The following ZNF66 variants were observed in gnomAD, a reference collection of about 807,000 sequenced individuals.
The protein encoded by ZNF66 is putative zinc finger protein 66.
Under a neutral mutation model 35.2 loss-of-function variants are expected in ZNF66, and 32 were observed. The observed-to-expected ratio is 0.91, with a 90% CI of 0.69 to 1.22. ZNF66 has a LOEUF of 1.22. Among genes scored for constraint, ZNF66 ranks in the 50% most tolerant of loss-of-function variants. The probability of loss-of-function intolerance (pLI) is 0.00; values close to 1 mark genes in which losing one functional copy is unlikely to be tolerated. For synonymous variants in ZNF66, 231 were observed against 181.3 expected (o/e 1.27, Z -2.20); for missense variants, 666 against 543.1 (o/e 1.23, Z -2.25).
At chr19:20,779,764 A>T (rs10413846) in intron 1 of ZNF66, among the ~76,000 whole-genome samples, 7,760 of 31,096 alleles carry the variant, frequency 0.25, 245 homozygotes, top group Middle Eastern at 0.34. Flanking sequence ...CCATCACTAC[A>T]AAAAAAAAAA....
Position 20,776,382 on chromosome 19 carries a change from G to A in ZNF66, c.-66G>A, listed in dbSNP as rs1971194204. On this transcript the variant is annotated 5_prime_UTR_variant, in exon 1 of 4. Transcript: ENST00000344519. ...TTCTCCTAGAGGCCCAGCCTCTGTG[G>A]CCCTGTGTCCTGCAGGTATTGGGAG... 1.4e-5 allele frequency: 21 copies of A among 1,529,664 alleles called. No homozygotes were observed. In the Admixed American group the frequency reaches 3.2e-4, roughly 23 times the overall value. 94.8% of individuals were successfully genotyped at this position (1,529,664 alleles called of 1,614,324 possible).
chr19:20,782,597 G>A (rs976938143), intron 1 of ZNF66, among the ~76,000 whole-genome samples: 23 of 151,994 alleles, frequency 1.5e-4, no homozygotes, highest in African/African-American at 4.8e-4. Flanking sequence ...TCTCATTGTG[G>A]TTTTTCTTTT....
intron 1 of ZNF66, among the ~76,000 whole-genome samples, chr19:20,784,264 A>G (rs954615064): frequency 3.3e-5 from 5 of 152,210 alleles, no homozygotes; most frequent in Non-Finnish European, 7.3e-5. Flanking sequence ...TAACTGAAGT[A>G]TAGTTACAGT....
At position 20,806,323 on chromosome 19, in the gene ZNF66, C is replaced by T. The variant is rs759819911; in HGVS notation, c.723C>T (p.Ser241=). Residue 241 remains serine, a synonymous_variant, in exon 4 of 4, where the codon TCC becomes TCT. Transcript: ENST00000344519. ...ACTGTGGCAAAGCCTTTAACCGCTCCTCTAACCTTACTACACATAAGAAAA... is the reference window on the plus strand; with the variant it reads ...ACTGTGGCAAAGCCTTTAACCGCTCTTCTAACCTTACTACACATAAGAAAA... ...CEDCGKAFNR[S]SNLTTHKKIH... is the part of the protein sequence containing the mutation. 13 of 1,527,586 alleles carry T rather than the reference C, an allele frequency of 8.5e-6. No homozygotes were observed. Among genetic ancestry groups the T allele is most frequent in the Admixed American group, 1.7e-5 (1 of 59,832 alleles). 94.6% of individuals were successfully genotyped at this position (1,527,586 alleles called of 1,614,324 possible).
chr19:20,793,459 A>T (rs1971361429), intron 2 of ZNF66, among the ~76,000 whole-genome samples: 1 of 150,138 alleles, frequency 6.7e-6, no homozygotes, highest in African/African-American at 2.5e-5. Context: ...AGTATGTGGG[A>T]CTACAGGCAC....
chr19:20,785,470 G>C (rs987082872), intron 1 of ZNF66, among the ~76,000 whole-genome samples: 2 of 152,200 alleles, frequency 1.3e-5, no homozygotes, highest in African/African-American at 4.8e-5. Flanking sequence ...TTTGTCATTG[G>C]ATATAAGCAT....
In ZNF66 at chr19:20,805,966, G is replaced by T; in HGVS notation, c.366G>T (p.Lys122Asn). The change falls in exon 4 of 4, where the codon AAG becomes AAT. Residue 122 changes from lysine (K) to asparagine (N), a missense_variant. Physicochemically the swap from Lys to Asn is moderately conservative, Grantham distance 94 (BLOSUM62 0). Coordinates refer to ENST00000344519, the MANE Select transcript of ZNF66 (RefSeq NM_001355197.2). ...QLKKGCESVD[K>N]CKVHKRGYNG... Reference sequence around the variant, plus strand: ...AAAAAGGCTGTGAAAGTGTGGATAAGTGTAAAGTGCACAAAAGAGGTTATA... The same window carrying T: ...AAAAAGGCTGTGAAAGTGTGGATAATTGTAAAGTGCACAAAAGAGGTTATA... 1 of 743,544 alleles carries T rather than the reference G, an allele frequency of 1.3e-6. No homozygotes were observed. The highest frequency in any genetic ancestry group is 2.4e-6 in the Non-Finnish European group (1 of 421,916). 46.1% of individuals were successfully genotyped at this position (743,544 alleles called of 1,614,324 possible).
Position 20,805,918 on chromosome 19 carries a change from T to A in ZNF66, c.318T>A (p.Cys106Ter). 3.0e-6 allele frequency: 2 copies of A among 671,724 alleles called. No homozygotes were observed. The highest frequency in any genetic ancestry group is 5.4e-6 in the Non-Finnish European group (2 of 372,508). The allele number at this position is 671,724 out of a possible 1,614,324, so 41.6% of individuals were successfully genotyped here. ...TGATACTGAGAAGGCATAAAAAATG[T>A]GGACATGATAATTTGCAGTTAAAAA... ...QKLILRRHKK[C>*]GHDNLQLKKG... is the part of the protein sequence containing the mutation. The change falls in exon 4 of 4, where the codon TGT (cysteine) becomes TGA (stop). Residue 106 changes from cysteine to a stop codon, truncating the protein, a stop_gained. Coordinates refer to ENST00000344519, the MANE Select transcript of ZNF66 (RefSeq NM_001355197.2). LOFTEE classifies it high-confidence loss of function.
chr19:20,800,971 C>T (rs1290844777), intron 3 of ZNF66, among the ~76,000 whole-genome samples: 1 of 151,968 alleles, frequency 6.6e-6, no homozygotes, highest in Non-Finnish European at 1.5e-5. Context: ...TCACTTTTGT[C>T]AATATTTGCT....
intron 3 of ZNF66, among the ~76,000 whole-genome samples, chr19:20,805,126 T>TGTGTGTGTGTGTGTGTGTGA (rs752355466): frequency 1.4e-5 from 2 of 145,984 alleles, no homozygotes; most frequent in African/African-American, 5.1e-5. Flanking sequence ...TGTGTGTGTG[T>TGTGTGTGTGTGTGTGTGTGA]GAGAGAGAGA....
intron 3 of ZNF66, among the ~76,000 whole-genome samples, chr19:20,802,495 A>G (rs892449987): frequency 6.1e-5 from 9 of 148,504 alleles, no homozygotes; most frequent in African/African-American, 2.2e-4. Flanking sequence ...TTGTAAATTT[A>G]TCAATTATTT....
At chr19:20,804,276 T>C (rs1310264889) in intron 3 of ZNF66, among the ~76,000 whole-genome samples, 1 of 152,028 alleles carries the variant, frequency 6.6e-6, no homozygotes, top group East Asian at 1.9e-4. Flanking sequence ...TGAGACAGAG[T>C]CTGTCTCTGT....
chr19:20,791,501 A>AG (rs2144901286), intron 1 of ZNF66, among the ~76,000 whole-genome samples: 1 of 151,440 alleles, frequency 6.6e-6, no homozygotes, highest in Admixed American at 6.6e-5. Flanking sequence ...AAAAAAAAAA[A>AG]AAAAGAAAAT....
At position 20,792,282 on chromosome 19, in the gene ZNF66, T is replaced by C. The variant is rs1343642422; in HGVS notation, c.4-230T>C. ...TCATGCCCTTAATTTTATAGTTTAT[T>C]TTCTAGAAAAATATATGAACTGATG... is the stretch of plus-strand genomic sequence containing the variant. On this transcript the variant is annotated intron_variant, in intron 1 of 3. Coordinates refer to ENST00000344519, the MANE Select transcript of ZNF66 (RefSeq NM_001355197.2). Among the ~76,000 whole-genome samples, 5 of 152,032 alleles carry C rather than the reference T, an allele frequency of 3.3e-5. No homozygotes were observed. In the East Asian group the frequency reaches 9.6e-4, roughly 29 times the overall value.
intron 3 of ZNF66, among the ~76,000 whole-genome samples, chr19:20,802,355 T>G (rs562121788): frequency 9.2e-4 from 140 of 152,208 alleles, no homozygotes; most frequent in Non-Finnish European, 1.5e-3. Context: ...TCAGTTTGTT[T>G]TTGAGGTGGA....
chr19:20,788,489 C>A (rs59740723), intron 1 of ZNF66, among the ~76,000 whole-genome samples: 1 of 151,952 alleles, frequency 6.6e-6, no homozygotes, highest in East Asian at 2.0e-4. Flanking sequence ...ACTGCAACTT[C>A]TGCCACCCTG....
intron 3 of ZNF66, among the ~76,000 whole-genome samples, chr19:20,803,128 C>G (rs1284720924): frequency 6.6e-6 from 1 of 152,026 alleles, no homozygotes; most frequent in Non-Finnish European, 1.5e-5. Flanking sequence ...TCTCAACTGA[C>G]TCTTGTAAAA....
chr19:20,805,776 A>T (rs1476723111), intron 3 of ZNF66, 51 bp from the exon 4 acceptor site: 3 of 502,260 alleles, frequency 6.0e-6, no homozygotes, highest in Middle Eastern at 2.9e-4. Flanking sequence ...TGTAAAGTAT[A>T]TTTATCTGAG....
At chr19:20,789,324 T>A (rs1435544675) in intron 1 of ZNF66, among the ~76,000 whole-genome samples, 3 of 152,194 alleles carry the variant, frequency 2.0e-5, no homozygotes, top group Non-Finnish European at 4.4e-5. Flanking sequence ...TGACTATACC[T>A]TGGAGTCTTT....
Sources: allele counts gnomAD v4.1 joint callset (sites outside exome capture counted in the v4.1 genomes callset), GRCh38; gene constraint gnomAD v4.1.1; transcripts MANE v1.5; gene names NCBI Gene and HGNC (gene_info 2026-07-23, HGNC 2026-07-21).